Variants in THPO observed in about 807,000 individuals in gnomAD.
THPO encodes MPL ligand.
THPO carries 12 observed loss-of-function variants against 17.0 expected under a neutral mutation model. That is an observed-to-expected ratio of 0.71 (90% CI 0.45 to 1.14). THPO has a LOEUF of 1.14. THPO is among the 50% of genes most tolerant of loss of function. THPO has a pLI of 0.00. For synonymous variants in THPO, 188 were observed against 183.0 expected (o/e 1.03, Z -0.22); for missense variants, 365 against 427.5 (o/e 0.85, Z 1.29).
upstream of THPO, among the ~76,000 whole-genome samples, chr3:184,379,677 G>A (rs1252462828): frequency 6.6e-6 from 1 of 152,134 alleles, no homozygotes; most frequent in Non-Finnish European, 1.5e-5. Context: ...CCAGGCCTCA[G>A]GCCTAGCCTC....
At chr3:184,374,685 T>A (rs1289179358) in intron 4 of THPO, among the ~76,000 whole-genome samples, 1 of 152,204 alleles carries the variant, frequency 6.6e-6, no homozygotes, top group East Asian at 1.9e-4. Context: ...TTCTCTCAGA[T>A]CCTTTTCGTA....
chr3:184,375,070 G>A (rs1005023641), intron 4 of THPO, among the ~76,000 whole-genome samples: 2 of 152,218 alleles, frequency 1.3e-5, no homozygotes, highest in Non-Finnish European at 2.9e-5. Context: ...TTACAGGCGT[G>A]AGCCCCCGGC....
At chr3:184,377,988 T>C in intron 1 of THPO, 87 bp downstream of exon 1, 5 of 939,314 alleles carry the variant, frequency 5.3e-6, no homozygotes, top group Non-Finnish European at 6.3e-6. Context: ...AGGTTCCAGT[T>C]TGCCTGCCCC....
intron 1 of THPO, among the ~76,000 whole-genome samples, chr3:184,376,776 C>T (rs149023582): frequency 2.7e-5 from 4 of 149,802 alleles, no homozygotes; most frequent in East Asian, 3.9e-4. Flanking sequence ...ACCTGGGAGG[C>T]GGAGGTTGTG....
chr3:184,376,494 T>C, intron 1 of THPO, 90 bp from the exon 2 acceptor site: 10 of 1,350,002 alleles, frequency 7.4e-6, no homozygotes, highest in Non-Finnish European at 9.8e-6. Flanking sequence ...GGGCTTGAGA[T>C]GCTGACCAGC....
At chr3:184,377,454 A>G (rs1419637052) in intron 1 of THPO, among the ~76,000 whole-genome samples, 2 of 152,120 alleles carry the variant, frequency 1.3e-5, no homozygotes, top group Non-Finnish European at 2.9e-5. Flanking sequence ...ACCTTGTCTT[A>G]GGCGCCCACT....
upstream of THPO, chr3:184,378,483 T>A: frequency 1.2e-6 from 1 of 800,532 alleles, no homozygotes; most frequent in Non-Finnish European, 1.5e-6. Flanking sequence ...GGTGGGGTTT[T>A]CACTCCCTGG....
chr3:184,375,874 T>C lies in THPO; in HGVS notation c.141+14A>G. ...AGTTACGCGGATAAAGGGGATAATG[T>C]TGGGAGTTCTCACCAGTCTGCTGTG... On this transcript the variant is annotated intron_variant, in intron 3 of 5. Transcript: ENST00000647395. 6.2e-7 allele frequency: 1 copy of C among 1,612,842 alleles called. No homozygotes were observed. Among genetic ancestry groups the C allele is most frequent in the South Asian group, 1.1e-5 (1 of 90,980 alleles).
chr3:184,373,535 C>T lies in THPO; in HGVS notation c.276G>A (p.Leu92=). The T allele has an allele frequency of 6.2e-7, 1 of 1,614,132 alleles. No homozygotes were observed. The highest frequency in any genetic ancestry group is 8.5e-7 in the Non-Finnish European group (1 of 1,180,032). Residue 92 remains leucine (L), a synonymous_variant, in exon 5 of 6, where the codon CTG becomes CTA. Coordinates refer to ENST00000647395, the MANE Select transcript of THPO (RefSeq NM_000460.4). The stretch of plus-strand genomic sequence containing the variant: ...GTCCCCGTGCTGCCATCACTCCCTC[C>T]AGCAGAAGGGTCACTGCTCCCAGAA... ...QDILGAVTLL[L]EGVMAARGQL...
At chr3:184,377,268 A>G (rs1445836187) in intron 1 of THPO, among the ~76,000 whole-genome samples, 2 of 152,146 alleles carry the variant, frequency 1.3e-5, no homozygotes, top group Non-Finnish European at 2.9e-5. Context: ...ATTAACCTCT[A>G]TTCTTTCCCT....
Position 184,372,933 on chromosome 3 carries a change from A to G in THPO, c.642T>C (p.Thr214=), listed in dbSNP as rs1193132405. 1 of 1,613,758 alleles carries G rather than the reference A, an allele frequency of 6.2e-7. No individual in the cohort carries two copies. The highest frequency in any genetic ancestry group is 8.5e-7 in the Non-Finnish European group (1 of 1,179,884). ...GCTGCCACTTCAGAAGCCCAGAGCC[A>G]GTAGTTCTGGCTGAGGCAGTGAAGT... The part of the protein sequence containing the change: ...ETNFTASART[T]GSGLLKWQQG... The change falls in exon 6 of 6, where the codon ACT becomes ACC. Residue 214 remains threonine (T), a synonymous_variant. Transcript: ENST00000647395.
rs747781594 is a variant in THPO, at chr3:184,372,734, T to C, written c.841A>G (p.Thr281Ala). The C allele has an allele frequency of 1.2e-6, 2 of 1,613,498 alleles. No homozygotes were observed. Among genetic ancestry groups the C allele is most frequent in the East Asian group, 2.2e-5 (1 of 44,820 alleles). ...TGGAGGTTGGGTGGCAGGGAGCCTG[T>C]GTCTGATGTTCCTGAGGAAATGTCC... is the stretch of plus-strand genomic sequence containing the variant. ...APDISSGTSD[T>A]GSLPPNLQPG... Residue 281 changes from threonine to alanine, a missense_variant, in exon 6 of 6, where the codon ACA becomes GCA. Transcript: ENST00000647395.
intron 4 of THPO, among the ~76,000 whole-genome samples, chr3:184,374,368 G>C (rs758641670): frequency 1.3e-5 from 2 of 152,136 alleles, no homozygotes; most frequent in African/African-American, 4.8e-5. Flanking sequence ...GGGACGCTAG[G>C]GTTCTTGAGG....
chr3:184,373,622 G>A (rs779489449), intron 4 of THPO, 40 bp from the exon 5 acceptor site: 2 of 1,610,340 alleles, frequency 1.2e-6, no homozygotes, highest in Non-Finnish European at 1.7e-6. Flanking sequence ...CTGCCTCAAA[G>A]GGCACACTAA....
chr3:184,376,522 C>G (rs1347646739), intron 1 of THPO, 118 bp from the exon 2 acceptor site: 1 of 1,120,506 alleles, frequency 8.9e-7, no homozygotes, highest in East Asian at 2.9e-5. Context: ...TGCCAAAGCC[C>G]TGAATTCTCT....
Position 184,372,519 on chromosome 3 carries a change from T to C in THPO, c.1056A>G (p.Glu352=), listed in dbSNP as rs757053470. ...SYTHSQNLSQ[E]G is the part of the protein sequence containing the mutation. ...TCGGCAGTGTCTGAGAACCTTACCC[T>C]TCCTGAGACAGATTCTGGGAGTGGG... Residue 352 remains glutamate, a synonymous_variant, in exon 6 of 6, where the codon GAA becomes GAG. Transcript: ENST00000647395. 2 of 1,614,008 alleles carry C rather than the reference T, an allele frequency of 1.2e-6. No homozygotes were observed. Among genetic ancestry groups the C allele is most frequent in the African/African-American group, 1.3e-5 (1 of 74,886 alleles).
chr3:184,374,495 A>G (rs1472091290), intron 4 of THPO, among the ~76,000 whole-genome samples: 1 of 152,208 alleles, frequency 6.6e-6, no homozygotes, highest in Non-Finnish European at 1.5e-5. Flanking sequence ...ATAAATTAGC[A>G]TATGTCTTCA....
rs373542698 is a variant in THPO, at chr3:184,376,005, G to A, written c.24C>T (p.Leu8=). 127 of 1,614,034 alleles carry A rather than the reference G, an allele frequency of 7.9e-5. No homozygotes were observed. The East Asian group carries it at 1.1e-3, about 14-fold the overall frequency. The part of the protein sequence containing the change: MELTELL[L]VVMLLLTARL... ...TTGCAGTTAGGAGAAGCATGACCAC[G>A]AGGAGCAATTCTTAGATGAGGAGAG... is the stretch of plus-strand genomic sequence containing the variant. The change falls in exon 3 of 6, where the codon CTC becomes CTT. Residue 8 remains leucine (L), a synonymous_variant. Coordinates refer to ENST00000647395, the MANE Select transcript of THPO (RefSeq NM_000460.4).
intron 1 of THPO, among the ~76,000 whole-genome samples, chr3:184,377,121 C>T (rs576247855): frequency 6.6e-6 from 1 of 151,682 alleles, no homozygotes; most frequent in South Asian, 2.1e-4. Context: ...GATGCAGGGC[C>T]TGGGTGAGGA....
Sources: gnomAD v4.1 joint callset for allele counts (sites outside exome capture counted in the v4.1 genomes callset) on GRCh38, gnomAD v4.1.1 for gene constraint, MANE v1.5 for transcripts, NCBI Gene and HGNC (gene_info 2026-07-23, HGNC 2026-07-21) for gene names.